KALRN: variants seen among roughly 807,000 people sequenced by gnomAD.
KALRN encodes the protein kalirin.
KALRN carries 70 observed loss-of-function variants against 353.7 expected under a neutral mutation model. The ratio of observed to expected loss-of-function variants is 0.20; its 90% CI spans 0.16 to 0.24. The LOEUF (loss-of-function observed/expected upper bound fraction) is 0.24. Among genes scored for constraint, KALRN ranks in the 10% least tolerant of loss-of-function variants. The pLI is 1.00. For synonymous variants in KALRN, 1,391 were observed against 1,434.8 expected, an observed-to-expected ratio of 0.97 and a Z score of 0.69; for missense variants, 2,791 against 3,756.7, an observed-to-expected ratio of 0.74 and a Z score of 6.72.
intron 27 of KALRN, 100 bp from the exon 28 acceptor site, chr3:124,482,708 C>G: frequency 3.8e-6 from 3 of 783,784 alleles, no homozygotes; most frequent in East Asian, 2.5e-5. Flanking sequence ...ACCTTTTTCT[C>G]TTTCTTCCTC....
chr3:124,293,321 T>G (rs1038575458), intron 5 of KALRN, among the ~76,000 whole-genome samples: 4 of 152,216 alleles, frequency 2.6e-5, no homozygotes, highest in Non-Finnish European at 5.9e-5. Context: ...ATAAGGTGGT[T>G]TGAAAGTTAA....
chr3:124,185,216 A>G (rs1246829607), intron 1 of KALRN, among the ~76,000 whole-genome samples: 1 of 152,146 alleles, frequency 6.6e-6, no homozygotes, highest in Non-Finnish European at 1.5e-5. Flanking sequence ...GGGTTTCGCC[A>G]TGTTGGCCAG....
intron 1 of KALRN, among the ~76,000 whole-genome samples, chr3:124,104,672 A>G (rs756882375): frequency 6.6e-6 from 1 of 152,218 alleles, no homozygotes; most frequent in African/African-American, 2.4e-5. Flanking sequence ...TACTGGGTTC[A>G]TATGGTTTAA....
chr3:124,217,809 C>G (rs2077490205), intron 1 of KALRN, among the ~76,000 whole-genome samples: 1 of 152,066 alleles, frequency 6.6e-6, no homozygotes, highest in African/African-American at 2.4e-5. Context: ...TGGATGTGTC[C>G]CTTCTCAGCT....
At chr3:124,428,267 A>G (rs188594311) in intron 15 of KALRN, among the ~76,000 whole-genome samples, 4 of 152,320 alleles carry the variant, frequency 2.6e-5, no homozygotes, top group Admixed American at 1.3e-4. Flanking sequence ...GTAAGCTCAT[A>G]CAGATTCTGG....
chr3:124,101,916 A>G (rs2061899140), intron 1 of KALRN, among the ~76,000 whole-genome samples: 2 of 151,934 alleles, frequency 1.3e-5, no homozygotes, highest in Admixed American at 6.6e-5. Flanking sequence ...ACTATTGCAT[A>G]TGTGTGCCCA....
At chr3:124,260,682 T>C (rs1167610916) in intron 3 of KALRN, among the ~76,000 whole-genome samples, 1 of 151,344 alleles carries the variant, frequency 6.6e-6, no homozygotes, top group Non-Finnish European at 1.5e-5. Flanking sequence ...TGTGGGTGAG[T>C]CATCTTGGCT....
intron 34 of KALRN, chr3:124,584,993 TG>T: frequency 8.2e-7 from 1 of 1,213,446 alleles, no homozygotes; most frequent in Non-Finnish European, 1.1e-6. Flanking sequence ...AGGGAAGGGT[TG>T]GGGAGGCCTC....
Position 124,438,952 on chromosome 3 carries a change from G to GA in KALRN, c.3114dup (p.Asp1039ArgfsTer2). 1 of 1,614,068 alleles carries GA rather than the reference G, an allele frequency of 6.2e-7. No individual in the cohort carries two copies. Among genetic ancestry groups the GA allele is most frequent in the Non-Finnish European group, 8.5e-7 (1 of 1,180,010 alleles). ...AGAGATGAGGACTGGTGTGGTGGAC[G>GA]AGATAAGCTGGGGCCAGCAGCAGAG... On this transcript the variant is annotated frameshift_variant, in exon 18 of 60. Transcript: ENST00000682506. LOFTEE classifies it high-confidence loss of function.
At chr3:124,690,017 G>T (rs2061737901) in intron 51 of KALRN, among the ~76,000 whole-genome samples, 2 of 152,204 alleles carry the variant, frequency 1.3e-5, no homozygotes, top group Middle Eastern at 3.4e-3. Context: ...AGATTCCTGA[G>T]CAAGTTCATG....
chr3:124,353,888 G>A (rs114399853), intron 10 of KALRN, among the ~76,000 whole-genome samples: 5 of 152,322 alleles, frequency 3.3e-5, no homozygotes, highest in East Asian at 1.9e-4. Flanking sequence ...TGCATGACAC[G>A]TTTCCCGTTG....
intron 39 of KALRN, among the ~76,000 whole-genome samples, 175 bp from the exon 40 acceptor site, chr3:124,657,273 T>C (rs1194358307): frequency 6.6e-6 from 1 of 151,676 alleles, no homozygotes; most frequent in Non-Finnish European, 1.5e-5. Flanking sequence ...AAAAGTTTTC[T>C]CTATTGCTCT....
At chr3:124,184,786 C>T (rs1467253612) in intron 1 of KALRN, among the ~76,000 whole-genome samples, 1 of 152,134 alleles carries the variant, frequency 6.6e-6, no homozygotes, top group Non-Finnish European at 1.5e-5. Context: ...TATCATCTGG[C>T]ACATACTGGG....
intron 11 of KALRN, among the ~76,000 whole-genome samples, chr3:124,393,351 T>A (rs2089737331): frequency 6.6e-6 from 1 of 152,202 alleles, no homozygotes; most frequent in African/African-American, 2.4e-5. Context: ...AGAAAATGTG[T>A]TTTCTCTCTA....
chr3:124,606,187 C>T (rs1266764702), intron 34 of KALRN, among the ~76,000 whole-genome samples: 3 of 152,162 alleles, frequency 2.0e-5, no homozygotes, highest in African/African-American at 7.2e-5. Context: ...AATAAAATCA[C>T]ATTGATTGGA....
At chr3:124,335,782 A>C (rs890140765) in intron 9 of KALRN, among the ~76,000 whole-genome samples, 18 of 152,228 alleles carry the variant, frequency 1.2e-4, no homozygotes, top group African/African-American at 4.3e-4. Flanking sequence ...ATATAAAATA[A>C]CAATTCACTC....
chr3:124,172,069 C>A (rs1278952403), intron 1 of KALRN, among the ~76,000 whole-genome samples: 1 of 152,170 alleles, frequency 6.6e-6, no homozygotes, highest in Non-Finnish European at 1.5e-5. Flanking sequence ...TACTTGACTT[C>A]TTTGAATCTT....
At chr3:124,178,432 T>C (rs530155795) in intron 1 of KALRN, among the ~76,000 whole-genome samples, 1 of 152,350 alleles carries the variant, frequency 6.6e-6, no homozygotes, top group East Asian at 1.9e-4. Context: ...GGCAATTTCA[T>C]TGTACAAACC....
rs537231690 is a variant in KALRN, at chr3:124,091,109, G to A, written c.73+57296G>A. On this transcript the variant is annotated intron_variant, in intron 1 of 59. Transcript: ENST00000682506. The stretch of plus-strand genomic sequence containing the variant: ...ACGGGTTCCACTCCACCACTTGGGC[G>A]CTAATCGCCAAGGGGACAGAAGTGG... Among the ~76,000 whole-genome samples the A allele has an allele frequency of 3.9e-5, 6 of 152,334 alleles. No individual in the cohort carries two copies. The East Asian group carries it at 5.8e-4, about 15-fold the overall frequency.
Sources: allele counts gnomAD v4.1 joint callset (sites outside exome capture counted in the v4.1 genomes callset), GRCh38; gene constraint gnomAD v4.1.1; transcripts MANE v1.5; gene names NCBI Gene and HGNC (gene_info 2026-07-23, HGNC 2026-07-21).